Variants in CDH23 observed in about 807,000 individuals in gnomAD.
CDH23 encodes the protein cadherin-23.
Under a neutral mutation model 317.1 loss-of-function variants are expected in CDH23, and 189 were observed. The ratio of observed to expected loss-of-function variants is 0.60; its 90% CI spans 0.53 to 0.67. The LOEUF (loss-of-function observed/expected upper bound fraction) is 0.67. CDH23 is among the 30% of genes least tolerant of loss of function. The pLI, the probability that CDH23 is intolerant of heterozygous loss-of-function variation, is 0.00. For synonymous variants in CDH23, 1,839 were observed against 1,876.8 expected (o/e 0.98, Z 0.52); for missense variants, 4,401 against 4,592.4 (o/e 0.96, Z 1.20).
At chr10:71,555,167 A>T (rs1856810914) in intron 6 of CDH23, among the ~76,000 whole-genome samples, 1 of 152,080 alleles carries the variant, frequency 6.6e-6, no homozygotes, top group Non-Finnish European at 1.5e-5. Flanking sequence ...CCCAACTCAT[A>T]CCTTTATTCT....
chr10:71,737,085 C>A (rs1564767011), intron 34 of CDH23, among the ~76,000 whole-genome samples: 1 of 152,012 alleles, frequency 6.6e-6, no homozygotes, highest in East Asian at 1.9e-4. Flanking sequence ...TCACAAGGAC[C>A]CTTGTCTGTT....
rs192552580 is a variant in CDH23, at chr10:71,744,393, A to T, written c.4845+2472A>T. On this transcript the variant is annotated intron_variant, in intron 38 of 69. Coordinates refer to ENST00000224721, the MANE Select transcript of CDH23 (RefSeq NM_022124.6). Reference sequence around the variant, plus strand: ...GACCCTGCAGTTTGTAGGCAAAATCAGGCTTCCTTTGGGTCCCCAGAATAA... The same window carrying T: ...GACCCTGCAGTTTGTAGGCAAAATCTGGCTTCCTTTGGGTCCCCAGAATAA... Among the ~76,000 whole-genome samples the T allele has an allele frequency of 1.5e-4, 23 of 152,328 alleles. No individual in the cohort carries two copies. In the East Asian group the frequency reaches 4.4e-3, roughly 29 times the overall value.
intron 11 of CDH23, among the ~76,000 whole-genome samples, chr10:71,643,406 A>C (rs1412990000): frequency 6.6e-6 from 1 of 152,116 alleles, no homozygotes; most frequent in Non-Finnish European, 1.5e-5. Context: ...TTATGTTAGG[A>C]AAATAAAAAC....
chr10:71,786,815 G>A (rs907319140), intron 44 of CDH23, among the ~76,000 whole-genome samples: 2 of 151,890 alleles, frequency 1.3e-5, no homozygotes, highest in South Asian at 4.2e-4. Flanking sequence ...CCTCATTTTT[G>A]CCCCCACTTT....
chr10:71,789,959 G>A (rs1841199390), intron 45 of CDH23, among the ~76,000 whole-genome samples: 1 of 152,240 alleles, frequency 6.6e-6, no homozygotes, highest in South Asian at 2.1e-4. Context: ...CCCACACATG[G>A]GGAGGGGATG....
chr10:71,709,321 T>G (rs979985694), intron 27 of CDH23, 110 bp downstream of exon 27: 3 of 918,638 alleles, frequency 3.3e-6, no homozygotes, highest in Non-Finnish European at 5.0e-6. Flanking sequence ...CAGATGCCAG[T>G]GGAGAAAGGG....
intron 26 of CDH23, 144 bp from the exon 27 acceptor site, chr10:71,708,954 G>A: frequency 1.4e-6 from 1 of 731,710 alleles, no homozygotes; most frequent in Non-Finnish European, 2.4e-6. Context: ...CCGCATCAGA[G>A]CACCTCAGGC....
chr10:71,672,269 G>A (rs1864180896), intron 14 of CDH23, among the ~76,000 whole-genome samples: 1 of 152,080 alleles, frequency 6.6e-6, no homozygotes. Context: ...GATGAGGCTA[G>A]ACATTCAGGG....
chr10:71,680,264 T>G (rs1864561471), intron 17 of CDH23, among the ~76,000 whole-genome samples: 1 of 152,258 alleles, frequency 6.6e-6, no homozygotes, highest in African/African-American at 2.4e-5. Flanking sequence ...GGCTGTCCAG[T>G]GTGTAGCCCC....
intron 18 of CDH23, 31 bp downstream of exon 18, chr10:71,682,603 G>A: frequency 6.2e-7 from 1 of 1,608,614 alleles, no homozygotes; most frequent in Non-Finnish European, 8.5e-7. Flanking sequence ...GCCTTGCCCT[G>A]CTAGTGTAAG....
At chr10:71,785,250 AT>A in intron 43 of CDH23, 150 bp downstream of exon 43, 1 of 660,032 alleles carries the variant, frequency 1.5e-6, no homozygotes, top group East Asian at 2.7e-5. Context: ...GAAGCATGGA[AT>A]CTTGGATTCA....
At chr10:71,434,299 GC>G (rs1451665152) in intron 1 of CDH23, among the ~76,000 whole-genome samples, 1 of 152,230 alleles carries the variant, frequency 6.6e-6, no homozygotes, top group African/African-American at 2.4e-5. Flanking sequence ...TCACTCACCT[GC>G]TCTGTTGGGG....
Position 71,397,093 on chromosome 10 carries a change from G to A in CDH23, c.-231G>A, listed in dbSNP as rs1477007772. The A allele has an allele frequency of 5.9e-6, 1 of 170,722 alleles. No homozygotes were observed. The highest frequency in any genetic ancestry group is 6.5e-5 in the Admixed American group (1 of 15,318). The allele number at this position is 170,722 out of a possible 1,614,324, so 10.6% of individuals were successfully genotyped here. A position where few individuals can be genotyped will look rare whatever the true frequency, so the allele number is the denominator to read the frequency against. On this transcript the variant is annotated 5_prime_UTR_variant, in exon 1 of 70. Transcript: ENST00000224721. The surrounding 1 kb of genome is among the most constrained non-coding windows in gnomAD (Gnocchi z 4.8). ...CAGAGCCTCTGGACGTTTGGGGCGC[G>A]CCCAGTCCGAGCCCCCGGCGCGCCT...
Position 71,513,510 on chromosome 10 carries a change from G to A in CDH23, c.429+2298G>A, listed in dbSNP as rs932667455. On this transcript the variant is annotated intron_variant, in intron 6 of 69. Coordinates refer to ENST00000224721, the MANE Select transcript of CDH23 (RefSeq NM_022124.6). ...GGCCCTGCAAATGTGAACAGGGTGA[G>A]GATGCAAGCCAGAGAAATGGGGTGA... Among the ~76,000 whole-genome samples, 8 of 152,330 alleles carry A rather than the reference G, an allele frequency of 5.3e-5. 1 individual carries two copies. Among genetic ancestry groups the A allele is most frequent in the African/African-American group, 1.9e-4 (8 of 41,576 alleles).
chr10:71,701,197 T>A (rs1425027642), intron 22 of CDH23, among the ~76,000 whole-genome samples: 1 of 152,202 alleles, frequency 6.6e-6, no homozygotes, highest in East Asian at 1.9e-4. Context: ...ACCCTAAGAC[T>A]GGCCTGTGCC....
Position 71,798,970 on chromosome 10 carries a change from G to A in CDH23, c.7055-141G>A, listed in dbSNP as rs548366127. 19 of 727,498 alleles carry A rather than the reference G, an allele frequency of 2.6e-5. No homozygotes were observed. The South Asian group carries it at 3.2e-4, about 12-fold the overall frequency. The allele number at this position is 727,498 out of a possible 1,614,324, so 45.1% of individuals were successfully genotyped here. On this transcript the variant is annotated intron_variant, in intron 50 of 69. Coordinates refer to ENST00000224721, the MANE Select transcript of CDH23 (RefSeq NM_022124.6). Reference sequence around the variant, plus strand: ...CCAGTCCCTCCCTGCCGTGTGCCCTGCAACTGGGTGGTGCTGCCTGACCAC... The same window carrying A: ...CCAGTCCCTCCCTGCCGTGTGCCCTACAACTGGGTGGTGCTGCCTGACCAC...
chr10:71,602,231 G>A (rs1860270521), intron 9 of CDH23, among the ~76,000 whole-genome samples: 1 of 151,888 alleles, frequency 6.6e-6, no homozygotes, highest in African/African-American at 2.4e-5. Context: ...GGGCGGGAGG[G>A]CAGGGGCAGC....
chr10:71,425,889 A>T (rs1473835468), intron 1 of CDH23, among the ~76,000 whole-genome samples: 1 of 152,240 alleles, frequency 6.6e-6, no homozygotes, highest in Non-Finnish European at 1.5e-5. Context: ...GTTGGAGGAC[A>T]CAGGATGGAA....
intron 38 of CDH23, among the ~76,000 whole-genome samples, chr10:71,776,789 C>A (rs1464979940): frequency 2.0e-5 from 3 of 152,210 alleles, no homozygotes; most frequent in African/African-American, 7.2e-5. Context: ...GGAAGAAACA[C>A]CCCCGCCTCT....
Sources: gnomAD v4.1 joint callset for allele counts (sites outside exome capture counted in the v4.1 genomes callset) on GRCh38, gnomAD v4.1.1 for gene constraint, Gnocchi (gnomAD v3.1) non-coding constraint, MANE v1.5 for transcripts, NCBI Gene and HGNC (gene_info 2026-07-23, HGNC 2026-07-21) for gene names.